ENC1: variants seen among roughly 807,000 people sequenced by gnomAD.
ENC1 encodes the protein ectodermal-neural cortex 1.
Under a neutral mutation model 40.9 loss-of-function variants are expected in ENC1, and 19 were observed. The observed-to-expected ratio is 0.46, with a 90% confidence interval of 0.32 to 0.68. The LOEUF is 0.68. Among genes scored for constraint, ENC1 ranks in the 30% least tolerant of loss-of-function variants. ENC1 has a pLI of 0.03. For synonymous variants in ENC1, 285 were observed against 291.1 expected (o/e 0.98, Z 0.21); for missense variants, 479 against 737.5 (o/e 0.65, Z 4.06).
At position 74,635,444 on chromosome 5, in the gene ENC1, G is replaced by GC. The variant is rs1441816853; in HGVS notation, c.1041dup (p.Arg348AlafsTer4). On this transcript the variant is annotated frameshift_variant, in exon 2 of 3. Coordinates refer to ENST00000302351, the MANE Select transcript of ENC1 (RefSeq NM_003633.4). LOFTEE classifies it high-confidence loss of function. The surrounding 1 kb of genome is among the most constrained non-coding windows in gnomAD (Gnocchi z 5.5). ...TTTGAGACCCCATTTTCAGACCCCC[G>GC]CCCCCCAGTAATGTACACTTTGCAG... The GC allele has an allele frequency of 1.9e-6, 3 of 1,613,650 alleles. No homozygotes were observed. Among genetic ancestry groups the GC allele is most frequent in the African/African-American group, 1.3e-5 (1 of 74,940 alleles).
At chr5:74,637,682 A>T (rs1405228040) in intron 1 of ENC1, 1 of 152,208 alleles carries the variant, frequency 6.6e-6, no homozygotes, top group Non-Finnish European at 1.5e-5. Context: ...CTGTTCCTGT[A>T]TACCTGCAAA....
rs1333513390 is a variant in ENC1, at chr5:74,629,755, C to T, written c.*270G>A. On this transcript the variant is annotated 3_prime_UTR_variant, in exon 3 of 3. Coordinates refer to ENST00000302351, the MANE Select transcript of ENC1 (RefSeq NM_003633.4). ...GCTGATTAACATTGACATTAATCCA[C>T]AATTACAAGACAAGGACTAGATCAC... 3 of 152,338 alleles carry T rather than the reference C, an allele frequency of 2.0e-5. No homozygotes were observed. The highest frequency in any genetic ancestry group is 3.9e-4 in the East Asian group (2 of 5,182). 9.4% of individuals were successfully genotyped at this position (152,338 alleles called of 1,614,324 possible).
At chr5:74,632,705 A>G (rs1369024789) in intron 2 of ENC1, among the ~76,000 whole-genome samples, 1 of 152,156 alleles carries the variant, frequency 6.6e-6, no homozygotes. Flanking sequence ...AATACAAAAA[A>G]GCCCGACGTG....
intron 2 of ENC1, among the ~76,000 whole-genome samples, 161 bp downstream of exon 2, chr5:74,634,523 A>G (rs897725901): frequency 3.9e-5 from 6 of 152,208 alleles, no homozygotes; most frequent in African/African-American, 1.4e-4. Context: ...GGCTGTGGTC[A>G]ACACAAGTGG....
rs551320550 is a variant in ENC1 at position 74,627,924 on chromosome 5, A to G, written c.*2101T>C. 4.7e-4 allele frequency: 72 copies of G among 152,804 alleles called. 1 individual carries two copies. The highest frequency in any genetic ancestry group is 6.5e-4 in the Non-Finnish European group (44 of 68,058). The allele number at this position is 152,804 out of a possible 1,614,324, so 9.5% of individuals were successfully genotyped here. The stretch of plus-strand genomic sequence containing the variant: ...CTTACCACAGCTCCCTCTGGCTCAC[A>G]CACAGTAATTAATAGAGGATTCAAG... On this transcript the variant is annotated 3_prime_UTR_variant, in exon 3 of 3. Transcript: ENST00000302351.
chr5:74,630,620 T>C (rs958546335), intron 2 of ENC1, among the ~76,000 whole-genome samples: 1 of 152,220 alleles, frequency 6.6e-6, no homozygotes, highest in Admixed American at 6.5e-5. Context: ...ATTCTCAAAG[T>C]TCGTCAGTCC....
Position 74,634,843 on chromosome 5 carries a change from C to T in ENC1, c.1643G>A (p.Gly548Asp). 1 of 1,614,148 alleles carries T rather than the reference C, an allele frequency of 6.2e-7. No individual in the cohort carries two copies. Among genetic ancestry groups the T allele is most frequent in the Non-Finnish European group, 8.5e-7 (1 of 1,179,988 alleles). The change falls in exon 2 of 3, where the codon GGC (glycine) becomes GAC (aspartate). Residue 548 changes from glycine to aspartate, a missense_variant. Physicochemically the swap from Gly to Asp is moderately conservative, Grantham distance 94 (BLOSUM62 -1). Coordinates refer to ENST00000302351, the MANE Select transcript of ENC1 (RefSeq NM_003633.4). Reference sequence around the variant, plus strand: ...GTCCAAAGTCTTGCATCGCTGAATGCCAAAGTATCCTCCAACCACGTAGAG... The same window carrying T: ...GTCCAAAGTCTTGCATCGCTGAATGTCAAAGTATCCTCCAACCACGTAGAG... The part of the protein sequence containing the change: ...NKLYVVGGYF[G>D]IQRCKTLDCY...
At position 74,640,399 on chromosome 5, in the gene ENC1, G is replaced by A. The variant is rs1176167091; in HGVS notation, c.-106C>T. 2 of 152,340 alleles carry A rather than the reference G, an allele frequency of 1.3e-5. No individual in the cohort carries two copies. Among genetic ancestry groups the A allele is most frequent in the African/African-American group, 4.8e-5 (2 of 41,464 alleles). The allele number at this position is 152,340 out of a possible 1,614,324, so 9.4% of individuals were successfully genotyped here. The stretch of plus-strand genomic sequence containing the variant: ...CCGGTCGTCTCAGCCCAGGGAAGCG[G>A]TGGCGAATGCCCCGGAGAAAGGAGG... On this transcript the variant is annotated 5_prime_UTR_variant, in exon 1 of 3. Coordinates refer to ENST00000302351, the MANE Select transcript of ENC1 (RefSeq NM_003633.4).
At position 74,636,432 on chromosome 5, in the gene ENC1, A is replaced by G; in HGVS notation, c.54T>C (p.Ile18=). Residue 18 remains isoleucine, a synonymous_variant, in exon 2 of 3, where the codon ATT becomes ATC. Coordinates refer to ENST00000302351, the MANE Select transcript of ENC1 (RefSeq NM_003633.4). The surrounding 1 kb of genome is among the most constrained non-coding windows in gnomAD (Gnocchi z 4.8). ...AGGACTTGTGAAACAGATAGATGTT[A>G]ATGGAGCCGCTGCTGGCCCTGGACT... ...NRKSRASSGS[I]NIYLFHKSSY... The G allele has an allele frequency of 1.2e-6, 2 of 1,613,928 alleles. No homozygotes were observed. Among genetic ancestry groups the G allele is most frequent in the Non-Finnish European group, 1.7e-6 (2 of 1,179,842 alleles).
intron 2 of ENC1, 43 bp downstream of exon 2, chr5:74,634,641 G>T: frequency 1.1e-6 from 1 of 921,924 alleles, no homozygotes; most frequent in Non-Finnish European, 1.7e-6. Context: ...TTACACAATA[G>T]CCTAATTATA....
In ENC1 at chr5:74,636,517, A is replaced by ATAT; in HGVS notation, c.-13-20_-13-19insATA. 3 of 1,335,876 alleles carry ATAT rather than the reference A, an allele frequency of 2.2e-6. No homozygotes were observed. The highest frequency in any genetic ancestry group is 3.1e-6 in the Non-Finnish European group (3 of 961,546). 82.8% of individuals were successfully genotyped at this position (1,335,876 alleles called of 1,614,324 possible). On this transcript the variant is annotated intron_variant, in intron 1 of 2. Transcript: ENST00000302351. This position sits in a 1 kb window ranked among gnomAD's most constrained non-coding sequence, Gnocchi z 4.8. ...TCCACTCCTAAAAATAATAATAATAATAAATTGAAAATGATGCTCCTGATG... is the reference window on the plus strand; with the variant it reads ...TCCACTCCTAAAAATAATAATAATAATATTAAATTGAAAATGATGCTCCTGATG...
At chr5:74,634,324 A>G (rs1747495819) in intron 2 of ENC1, among the ~76,000 whole-genome samples, 1 of 152,130 alleles carries the variant, frequency 6.6e-6, no homozygotes, top group Non-Finnish European at 1.5e-5. Context: ...AGGCAGGAGA[A>G]TGGTGTGAAC....
chr5:74,640,173 C>T (rs1328231334), intron 1 of ENC1, 134 bp downstream of exon 1: 1 of 152,206 alleles, frequency 6.6e-6, no homozygotes, highest in Non-Finnish European at 1.5e-5. Flanking sequence ...CCGAGAAGAG[C>T]TCCCCTTGCC....
intron 1 of ENC1, among the ~76,000 whole-genome samples, chr5:74,638,826 G>A (rs1295631283): frequency 6.6e-6 from 1 of 152,184 alleles, no homozygotes; most frequent in African/African-American, 2.4e-5. Context: ...AGTGAAGGAA[G>A]AATGAGGCTC....
At chr5:74,634,184 CG>C (rs1747489860) in intron 2 of ENC1, among the ~76,000 whole-genome samples, 1 of 152,028 alleles carries the variant, frequency 6.6e-6, no homozygotes, top group African/African-American at 2.4e-5. Context: ...GAGGCCGAGG[CG>C]GGCGGATCAT....
intron 1 of ENC1, among the ~76,000 whole-genome samples, chr5:74,639,004 A>C (rs1466577426): frequency 6.6e-6 from 1 of 152,230 alleles, no homozygotes; most frequent in Non-Finnish European, 1.5e-5. Context: ...AGGATATAGG[A>C]TCTACATCTC....
chr5:74,637,437 G>A (rs1177567595), intron 1 of ENC1: 2 of 152,138 alleles, frequency 1.3e-5, no homozygotes, highest in Non-Finnish European at 2.9e-5. Context: ...ACCATATATT[G>A]ATCAGCAAGC....
intron 2 of ENC1, among the ~76,000 whole-genome samples, chr5:74,634,041 A>C (rs1654247961): frequency 6.6e-6 from 1 of 152,186 alleles, no homozygotes; most frequent in African/African-American, 2.4e-5. Context: ...AATCATCCGG[A>C]AACTTTTTAA....
rs1747605324 is a variant in ENC1, at chr5:74,636,607, C to T, written c.-13-109G>A. The stretch of plus-strand genomic sequence containing the variant: ...AAAAACAGAACACTTTGTTGTTGAC[C>T]ATGCCACCTACTATTCTAGAATAGT... On this transcript the variant is annotated intron_variant, in intron 1 of 2. Coordinates refer to ENST00000302351, the MANE Select transcript of ENC1 (RefSeq NM_003633.4). The surrounding 1 kb of genome is among the most constrained non-coding windows in gnomAD (Gnocchi z 4.8). 1.5e-6 allele frequency: 1 copy of T among 655,052 alleles called. No homozygotes were observed. The highest frequency in any genetic ancestry group is 2.7e-5 in the East Asian group (1 of 36,540). The allele number at this position is 655,052 out of a possible 1,614,324, so 40.6% of individuals were successfully genotyped here.
Sources: allele counts gnomAD v4.1 joint callset (sites outside exome capture counted in the v4.1 genomes callset), GRCh38; gene constraint gnomAD v4.1.1; non-coding constraint Gnocchi (gnomAD v3.1); transcripts MANE v1.5; gene names NCBI Gene and HGNC (gene_info 2026-07-23, HGNC 2026-07-21).